MAP7D3: variants seen among roughly 807,000 people sequenced by gnomAD.
MAP7D3 encodes the protein MAP7 domain containing 3, also known as MAP7 domain-containing protein 3.
In MAP7D3, 45 loss-of-function variants were observed where a neutral mutation model predicts 62.2. The observed-to-expected ratio is 0.72, with a 90% CI of 0.57 to 0.93. The LOEUF is 0.93. MAP7D3 is among the 40% of genes least tolerant of loss of function. The pLI is 0.00. For synonymous variants in MAP7D3, 288 were observed against 248.8 expected, an observed-to-expected ratio of 1.16 and a Z score of -1.48; for missense variants, 711 against 683.1, an observed-to-expected ratio of 1.04 and a Z score of -0.45.
chrX:136,234,186 A>G (rs927335366), intron 7 of MAP7D3, among the ~76,000 whole-genome samples: 4 of 110,375 alleles, frequency 3.6e-5, no homozygotes, highest in South Asian at 3.9e-4. Flanking sequence ...TGAAGGGGAA[A>G]AAAAAGAAAA....
intron 10 of MAP7D3, among the ~76,000 whole-genome samples, chrX:136,229,713 T>TA (rs1448927169): frequency 5.7e-5 from 6 of 105,295 alleles, no homozygotes; most frequent in African/African-American, 1.7e-4. Context: ...ACCTGTGCTT[T>TA]TTTTTGATAT....
At chrX:136,244,825 G>A in intron 3 of MAP7D3, 30 bp from the exon 4 acceptor site, 2 of 1,099,907 alleles carry the variant, frequency 1.8e-6, no homozygotes, top group Non-Finnish European at 1.2e-6. Context: ...TTTTCAAGGT[G>A]TAAGAGCCAA....
At chrX:136,227,691 G>A (rs1219465742) in intron 11 of MAP7D3, among the ~76,000 whole-genome samples, 1 of 110,351 alleles carries the variant, frequency 9.1e-6, no homozygotes, top group African/African-American at 3.3e-5. Context: ...ACACACATAC[G>A]TGAGAGGAAC....
rs910688522 is a variant in MAP7D3, at chrX:136,241,266, T to C, written c.429A>G (p.Thr143=). Residue 143 remains threonine, a synonymous_variant, in exon 5 of 19, where the codon ACA becomes ACG. Transcript: ENST00000316077. ...QKDEAQKEKF[T]AILYRTLERR... ...GTTCCAAAGTACGATAAAGAATGGC[T>C]GTAAATTTTTCCTATTTAAAATAAA... 1.3e-5 allele frequency: 14 copies of C among 1,102,966 alleles called. No homozygotes were observed. The highest frequency in any genetic ancestry group is 1.7e-5 in the Non-Finnish European group (14 of 817,099). The allele number at this position is 1,102,966 out of a possible 1,213,427, so 90.9% of individuals were successfully genotyped here.
In MAP7D3 at chrX:136,240,426, T is replaced by C. The variant is rs750516615; in HGVS notation, c.596A>G (p.Gln199Arg). ...LEQGTSALIR[Q>R]MPLSSAGLQN... ...AAGGCCTGCAGATGACAAAGGCATTTGTCTGATTAAAGCAGAAGTACCCTG... is the reference window on the plus strand; with the variant it reads ...AAGGCCTGCAGATGACAAAGGCATTCGTCTGATTAAAGCAGAAGTACCCTG... The change falls in exon 6 of 19, where the codon CAA becomes CGA. Residue 199 changes from glutamine (Q) to arginine (R), a missense_variant. By Grantham distance (43) the Gln-to-Arg change is conservative (BLOSUM62 1). Transcript: ENST00000316077. 2 of 1,208,491 alleles carry C rather than the reference T, an allele frequency of 1.7e-6. No individual in the cohort carries two copies. The highest frequency in any genetic ancestry group is 2.2e-6 in the Non-Finnish European group (2 of 892,619).
At chrX:136,232,327 T>C (rs1233619720) in intron 7 of MAP7D3, 107 bp from the exon 8 acceptor site, 6 of 547,878 alleles carry the variant, frequency 1.1e-5, no homozygotes, top group Non-Finnish European at 1.8e-5. Flanking sequence ...GATTGTTTAT[T>C]AGGAAAGCAC....
upstream of MAP7D3, chrX:136,251,491 GC>G (rs1218801466): frequency 1.7e-5 from 14 of 828,074 alleles, no homozygotes; most frequent in East Asian, 8.4e-4. Context: ...GGCCCGAAGG[GC>G]CACCGCGCCC....
chrX:136,231,035 T>C (rs1360689335), intron 8 of MAP7D3, 69 bp from the exon 9 acceptor site: 10 of 885,272 alleles, frequency 1.1e-5, no homozygotes, highest in Non-Finnish European at 1.2e-5. Context: ...GCTTTTTTTT[T>C]TTTTTTGAAG....
upstream of MAP7D3, among the ~76,000 whole-genome samples, chrX:136,255,535 A>G (rs143005902): frequency 1.6e-3 from 180 of 111,523 alleles, no homozygotes; most frequent in African/African-American, 5.5e-3. Context: ...AGGGTCCCCA[A>G]TCTCATTGAC....
At chrX:136,227,146 T>A in intron 12 of MAP7D3, 138 bp downstream of exon 12, 1 of 453,072 alleles carries the variant, frequency 2.2e-6, no homozygotes, top group Non-Finnish European at 3.4e-6. Flanking sequence ...AATAAATAAA[T>A]AAATAAAATA....
chrX:136,240,775 C>T (rs113693614), intron 5 of MAP7D3, among the ~76,000 whole-genome samples: 1,650 of 111,770 alleles, frequency 0.015, 11 homozygotes, highest in Non-Finnish European at 0.022. Flanking sequence ...TTCTAAACTA[C>T]ATAAATTTTA....
At chrX:136,243,261 G>C (rs1287900352) in intron 4 of MAP7D3, among the ~76,000 whole-genome samples, 1 of 111,959 alleles carries the variant, frequency 8.9e-6, no homozygotes, top group African/African-American at 3.2e-5. Context: ...AACACACTGA[G>C]AGAATGGCAG....
chrX:136,243,978 CA>C (rs1213395321), intron 4 of MAP7D3, among the ~76,000 whole-genome samples: 13 of 111,449 alleles, frequency 1.2e-4, no homozygotes, highest in Non-Finnish European at 2.3e-4. Flanking sequence ...AACAGAGTGC[CA>C]AAGACACCAA....
chrX:136,219,170 C>T (rs933779286), intron 18 of MAP7D3, among the ~76,000 whole-genome samples: 1 of 111,955 alleles, frequency 8.9e-6, no homozygotes, highest in Non-Finnish European at 1.9e-5. Context: ...TTTTTATATC[C>T]GGCCTGAAAT....
chrX:136,216,003 T>C (rs1284855850), downstream of MAP7D3, among the ~76,000 whole-genome samples: 1 of 111,593 alleles, frequency 9.0e-6, no homozygotes, highest in Non-Finnish European at 1.9e-5. Context: ...CTGCACAGCC[T>C]TGTGAATATA....
intron 7 of MAP7D3, among the ~76,000 whole-genome samples, chrX:136,234,793 G>A (rs2074311100): frequency 8.9e-6 from 1 of 111,780 alleles, no homozygotes; most frequent in Non-Finnish European, 1.9e-5. Context: ...TGACGCTTTT[G>A]TTGGGCTGAA....
chrX:136,232,852 T>C (rs1252302230), intron 7 of MAP7D3, among the ~76,000 whole-genome samples: 1 of 111,964 alleles, frequency 8.9e-6, no homozygotes, highest in Non-Finnish European at 1.9e-5. Flanking sequence ...ATACCAATGT[T>C]TGGAACCAGG....
chrX:136,220,421 C>T (rs2074112755), intron 16 of MAP7D3, among the ~76,000 whole-genome samples: 1 of 113,103 alleles, frequency 8.8e-6, no homozygotes, highest in African/African-American at 3.2e-5. Flanking sequence ...TAAATGTCTT[C>T]TTGCCCAACT....
chrX:136,227,329 C>G lies in MAP7D3; in HGVS notation c.1989G>C (p.Lys663Asn), dbSNP rs1367649703. The change falls in exon 12 of 19, where the codon AAG becomes AAC. Residue 663 changes from lysine (K) to asparagine (N), a missense_variant. Lys to Asn is a moderately conservative substitution (Grantham distance 94). Coordinates refer to ENST00000316077, the MANE Select transcript of MAP7D3 (RefSeq NM_024597.4). ...CTTCCTGATCCAGCCATCCTTTCTT[C>G]TTTTTAGTCTCATTTTGTTGCTGCC... Reference protein sequence around the residue: ...KDGQQQNETKKKKGWLDQEDQ... With the variant: ...KDGQQQNETKNKKGWLDQEDQ... 13 of 1,204,192 alleles carry G rather than the reference C, an allele frequency of 1.1e-5. No homozygotes were observed. The highest frequency in any genetic ancestry group is 1.3e-5 in the Non-Finnish European group (12 of 893,546).
Sources: allele counts gnomAD v4.1 joint callset (sites outside exome capture counted in the v4.1 genomes callset), GRCh38; gene constraint gnomAD v4.1.1; transcripts MANE v1.5; gene names NCBI Gene and HGNC (gene_info 2026-07-23, HGNC 2026-07-21).